Variants in EPHA6 observed in about 807,000 individuals in gnomAD.
EPHA6 encodes the protein ephrin type-A receptor 6.
Under a neutral mutation model 112.0 loss-of-function variants are expected in EPHA6, and 50 were observed. That is an observed-to-expected ratio of 0.45 (90% confidence interval 0.36 to 0.56). The LOEUF is 0.56. EPHA6 is among the 20% of genes least tolerant of loss of function. The probability of loss-of-function intolerance (pLI) is 0.00; values close to 1 mark genes in which losing one functional copy is unlikely to be tolerated. For synonymous variants in EPHA6, 529 were observed against 490.7 expected, an observed-to-expected ratio of 1.08 and a Z score of -1.03; for missense variants, 1,280 against 1,417.4, an observed-to-expected ratio of 0.90 and a Z score of 1.56.
chr3:97,385,933 C>T (rs1488263049), intron 5 of EPHA6, among the ~76,000 whole-genome samples: 2 of 152,158 alleles, frequency 1.3e-5, no homozygotes, highest in African/African-American at 4.8e-5. Flanking sequence ...TCACCTCCTA[C>T]CAGGCCCCTT....
In EPHA6 at chr3:96,886,139, G is replaced by A. The variant is rs535127294; in HGVS notation, c.450+19250G>A. Among the ~76,000 whole-genome samples the A allele has an allele frequency of 3.9e-5, 6 of 152,242 alleles. No homozygotes were observed. In the South Asian group the frequency reaches 8.3e-4, roughly 21 times the overall value. On this transcript the variant is annotated intron_variant, in intron 2 of 17. Transcript: ENST00000389672. ...AGTTCCATGTGCTGTTGAATAGAAT[G>A]TGTATTCTTCAGCTGTTGGGTGAAA...
chr3:97,319,927 T>A (rs1028494819), intron 5 of EPHA6, among the ~76,000 whole-genome samples: 27 of 152,042 alleles, frequency 1.8e-4, no homozygotes, highest in African/African-American at 6.5e-4. Flanking sequence ...AGACAAGCAG[T>A]TAGTTATCTG....
intron 1 of EPHA6, among the ~76,000 whole-genome samples, chr3:96,853,303 T>C (rs971389302): frequency 5.9e-5 from 9 of 151,862 alleles, no homozygotes; most frequent in Non-Finnish European, 4.4e-5. Context: ...AAATAGGAGG[T>C]CTGTAGAAGG....
At chr3:97,343,512 G>A (rs1033934687) in intron 5 of EPHA6, among the ~76,000 whole-genome samples, 22 of 152,160 alleles carry the variant, frequency 1.4e-4, no homozygotes, top group African/African-American at 5.3e-4. Flanking sequence ...ACAAAAAAGT[G>A]AGAGAGTATA....
intron 14 of EPHA6, among the ~76,000 whole-genome samples, chr3:97,689,174 T>C (rs549943769): frequency 2.1e-4 from 32 of 152,316 alleles, no homozygotes; most frequent in Admixed American, 1.9e-3. Context: ...TAAGGAAATA[T>C]GTGAAGTCAT....
intron 15 of EPHA6, among the ~76,000 whole-genome samples, chr3:97,735,335 T>C (rs1244843668): frequency 2.6e-5 from 4 of 151,998 alleles, no homozygotes. Flanking sequence ...TTTTAAGAAT[T>C]AAATGACCTT....
At chr3:97,272,415 G>A (rs773647718) in intron 5 of EPHA6, among the ~76,000 whole-genome samples, 8 of 152,064 alleles carry the variant, frequency 5.3e-5, no homozygotes, top group Non-Finnish European at 1.2e-4. Context: ...TCTCATCATT[G>A]TGTGAACATC....
At chr3:97,543,094 G>C (rs1001858214) in intron 11 of EPHA6, among the ~76,000 whole-genome samples, 2 of 152,116 alleles carry the variant, frequency 1.3e-5, no homozygotes, top group Non-Finnish European at 1.5e-5. Flanking sequence ...AAGCTCTTTA[G>C]TTTAACTAGA....
At chr3:97,329,669 T>C (rs1183381381) in intron 5 of EPHA6, among the ~76,000 whole-genome samples, 1 of 152,142 alleles carries the variant, frequency 6.6e-6, no homozygotes, top group Non-Finnish European at 1.5e-5. Context: ...GGGTTGTTTG[T>C]TTTTTTCTTG....
At chr3:97,475,263 T>C (rs959411499) in intron 7 of EPHA6, 89 bp from the exon 8 acceptor site, 5 of 927,750 alleles carry the variant, frequency 5.4e-6, no homozygotes, top group Non-Finnish European at 8.2e-6. Context: ...GCATCCGTTA[T>C]TGTATTTTCT....
chr3:97,128,302 T>C (rs2048238828), intron 3 of EPHA6, among the ~76,000 whole-genome samples: 1 of 152,250 alleles, frequency 6.6e-6, no homozygotes, highest in Admixed American at 6.5e-5. Context: ...TTGTAAATTA[T>C]GTTGTTATAA....
chr3:96,965,793 A>G (rs1041759825), intron 2 of EPHA6, among the ~76,000 whole-genome samples: 27 of 152,094 alleles, frequency 1.8e-4, no homozygotes, highest in African/African-American at 6.5e-4. Context: ...TCGTATTTAA[A>G]TCAGTATTCT....
chr3:97,563,135 T>C (rs912381108), intron 11 of EPHA6, among the ~76,000 whole-genome samples: 2 of 152,134 alleles, frequency 1.3e-5, no homozygotes, highest in Non-Finnish European at 2.9e-5. Flanking sequence ...CTCTGAGGTA[T>C]TCTTGTAATG....
chr3:97,537,468 G>A (rs553910630), intron 11 of EPHA6, among the ~76,000 whole-genome samples: 1 of 152,182 alleles, frequency 6.6e-6, no homozygotes, highest in African/African-American at 2.4e-5. Flanking sequence ...AAATAAGTGT[G>A]TCATTATTTC....
chr3:96,890,622 G>T (rs76857958), intron 2 of EPHA6, among the ~76,000 whole-genome samples: 4,750 of 152,162 alleles, frequency 0.031, 107 homozygotes, highest in Middle Eastern at 0.068. Flanking sequence ...ATTTAGAACA[G>T]AATGAATTTT....
At chr3:96,836,075 A>G (rs868332994) in intron 1 of EPHA6, among the ~76,000 whole-genome samples, 12 of 152,126 alleles carry the variant, frequency 7.9e-5, no homozygotes, top group Admixed American at 2.6e-4. Flanking sequence ...CTTGGCTACT[A>G]CATGAGGTAT....
intron 13 of EPHA6, 42 bp from the exon 14 acceptor site, chr3:97,637,831 C>T: frequency 1.4e-6 from 2 of 1,431,386 alleles, no homozygotes; most frequent in Non-Finnish European, 2.0e-6. Flanking sequence ...GCACACACTG[C>T]ATTAAAATAA....
chr3:97,200,791 T>A (rs752746243), intron 3 of EPHA6, among the ~76,000 whole-genome samples: 6 of 152,178 alleles, frequency 3.9e-5, no homozygotes, highest in Non-Finnish European at 8.8e-5. Context: ...TCCGGGAGCC[T>A]GCAATCCAAT....
chr3:97,218,625 T>C (rs1424651983), intron 3 of EPHA6, among the ~76,000 whole-genome samples: 1 of 152,124 alleles, frequency 6.6e-6, no homozygotes, highest in Non-Finnish European at 1.5e-5. Flanking sequence ...CCTTGACACA[T>C]AGGGATTATA....
Sources: gnomAD v4.1 joint callset for allele counts (sites outside exome capture counted in the v4.1 genomes callset) on GRCh38, gnomAD v4.1.1 for gene constraint, MANE v1.5 for transcripts, NCBI Gene and HGNC (gene_info 2026-07-23, HGNC 2026-07-21) for gene names.